The following RNF38 variants were observed in gnomAD, a reference collection of about 807,000 sequenced individuals.
The protein encoded by RNF38 is E3 ubiquitin-protein ligase RNF38.
RNF38 carries 15 observed loss-of-function variants against 67.2 expected under a neutral mutation model. The ratio of observed to expected loss-of-function variants is 0.22; its 90% CI spans 0.15 to 0.34. RNF38 has a LOEUF of 0.34. Among genes scored for constraint, RNF38 ranks in the 10% least tolerant of loss-of-function variants. RNF38 has a pLI of 1.00. For synonymous variants in RNF38, 220 were observed against 218.8 expected (o/e 1.01, Z -0.05); for missense variants, 524 against 639.9 (o/e 0.82, Z 1.95).
intron 3 of RNF38, among the ~76,000 whole-genome samples, chr9:36,375,280 T>C (rs902106483): frequency 1.3e-5 from 2 of 152,112 alleles, no homozygotes; most frequent in African/African-American, 4.8e-5. Flanking sequence ...CATTGCAGCC[T>C]TACACTCTTG....
At chr9:36,443,558 C>T (rs1385225885) in intron 1 of RNF38, among the ~76,000 whole-genome samples, 1 of 152,102 alleles carries the variant, frequency 6.6e-6, no homozygotes, top group Admixed American at 6.6e-5. Context: ...GACAAAATGA[C>T]AATTAGGAAT....
chr9:36,400,686 G>A (rs1201679512), upstream of RNF38: 5 of 985,770 alleles, frequency 5.1e-6, no homozygotes, highest in African/African-American at 1.7e-5. Context: ...CTCACCCCCG[G>A]AACCCCGGCT....
At chr9:36,486,954 G>T (rs753416267) in intron 1 of RNF38, among the ~76,000 whole-genome samples, 7 of 152,060 alleles carry the variant, frequency 4.6e-5, no homozygotes, top group Non-Finnish European at 1.0e-4. Flanking sequence ...GCCCGCGCCG[G>T]CCCAGGGTGG....
chr9:36,427,657 CTCTATCTATCTATCTATCTA>C lies in RNF38; in HGVS notation n.242-2994_242-2975del, dbSNP rs146556210. On this transcript the variant is annotated intron_variant and non_coding_transcript_variant, in intron 1 of 3. Transcript: ENST00000488058. ...GTTCCTTGATCTTGAATTTCCCAGC[CTCTATCTATCTATCTATCTA>C]TCTATCTATCTATCTATCTATCTAT... Among the ~76,000 whole-genome samples, 262 of 147,132 alleles carry C rather than the reference CTCTATCTATCTATCTATCTA, an allele frequency of 1.8e-3. 2 individuals carry two copies. The highest frequency in any genetic ancestry group is 4.8e-3 in the African/African-American group (191 of 39,576).
chr9:36,409,757 T>A (rs1838277347), intron 2 of RNF38, among the ~76,000 whole-genome samples: 1 of 152,208 alleles, frequency 6.6e-6, no homozygotes, highest in African/African-American at 2.4e-5. Context: ...TGATACACGG[T>A]GCATCTCCAC....
chr9:36,405,451 A>T (rs1324742242), upstream of RNF38, among the ~76,000 whole-genome samples: 4 of 152,284 alleles, frequency 2.6e-5, no homozygotes, highest in East Asian at 7.7e-4. Flanking sequence ...TGGTTTGTTT[A>T]GAATTTTTGC....
chr9:36,365,758 C>T (rs927031805), intron 4 of RNF38, among the ~76,000 whole-genome samples: 7 of 149,848 alleles, frequency 4.7e-5, no homozygotes, highest in Non-Finnish European at 1.0e-4. Context: ...CTCCGCCTCC[C>T]GGGTTCAAGC....
chr9:36,367,482 T>C (rs982139810), intron 4 of RNF38, among the ~76,000 whole-genome samples: 8 of 152,348 alleles, frequency 5.3e-5, no homozygotes, highest in African/African-American at 1.7e-4. Context: ...GATTTCCTAA[T>C]ACTGAACCCA....
At chr9:36,339,902 G>C in intron 11 of RNF38, 88 bp from the exon 12 acceptor site, 1 of 1,120,596 alleles carries the variant, frequency 8.9e-7, no homozygotes, top group Non-Finnish European at 1.3e-6. Flanking sequence ...ACTTCCCACA[G>C]TTTTTACATT....
chr9:36,399,315 C>T (rs867636939), intron 1 of RNF38, among the ~76,000 whole-genome samples: 4 of 151,952 alleles, frequency 2.6e-5, no homozygotes, highest in Non-Finnish European at 2.9e-5. Context: ...CAGATGAGAG[C>T]CTGAGGCCCA....
chr9:36,470,188 C>G (rs1295976351), intron 1 of RNF38, among the ~76,000 whole-genome samples: 2 of 152,090 alleles, frequency 1.3e-5, no homozygotes, highest in Non-Finnish European at 2.9e-5. Flanking sequence ...GTGGGGGTGT[C>G]CAGCTTTTAA....
chr9:36,411,962 C>A (rs1399886356), intron 2 of RNF38, among the ~76,000 whole-genome samples: 1 of 152,076 alleles, frequency 6.6e-6, no homozygotes, highest in African/African-American at 2.4e-5. Context: ...CTGAAATAAG[C>A]CAGTTACAAA....
intron 1 of RNF38, among the ~76,000 whole-genome samples, chr9:36,472,860 C>A (rs935646243): frequency 2.6e-5 from 4 of 151,942 alleles, no homozygotes; most frequent in Admixed American, 1.3e-4. Flanking sequence ...AATCCCAGCA[C>A]TCTGAGAGAC....
chr9:36,434,313 G>GGGAGGGGGATGGGGGAAGGA (rs1839008939), intron 1 of RNF38, among the ~76,000 whole-genome samples: 2 of 123,012 alleles, frequency 1.6e-5, no homozygotes, highest in Admixed American at 1.6e-4. Context: ...GAGCAGGAGG[G>GGGAGGGGGATGGGGGAAGGA]GGAGGGGGAT....
At chr9:36,485,506 C>T (rs1840385662) in intron 1 of RNF38, among the ~76,000 whole-genome samples, 1 of 152,160 alleles carries the variant, frequency 6.6e-6, no homozygotes, top group South Asian at 2.1e-4. Context: ...CCAACCTGAT[C>T]GGTGTGAAAT....
rs773649943 is a variant in RNF38 at position 36,390,454 on chromosome 9, A to AAT, written c.162+11_162+12dup. 6.2e-7 allele frequency: 1 copy of AAT among 1,608,494 alleles called. No individual in the cohort carries two copies. ...TTCAGCCCTATGTAGGGAAAGGGTA[A>AAT]ATATATAAGAACCTGGAAGAAAGCT... On this transcript the variant is annotated intron_variant, in intron 2 of 11. Transcript: ENST00000259605.
chr9:36,369,626 AAAAG>A (rs1432896778), intron 4 of RNF38, 89 bp downstream of exon 4: 2 of 990,544 alleles, frequency 2.0e-6, no homozygotes, highest in East Asian at 4.9e-5. Flanking sequence ...GGTAAAAACT[AAAAG>A]AAATTTGCAA....
intron 4 of RNF38, among the ~76,000 whole-genome samples, chr9:36,360,570 T>C (rs1186914242): frequency 6.6e-6 from 1 of 152,184 alleles, no homozygotes; most frequent in Non-Finnish European, 1.5e-5. Context: ...GAGTCGGTGC[T>C]CAAAAAGTTA....
intron 9 of RNF38, 119 bp from the exon 10 acceptor site, chr9:36,345,072 A>G: frequency 1.9e-6 from 2 of 1,059,240 alleles, no homozygotes; most frequent in Non-Finnish European, 2.6e-6. Flanking sequence ...GCGGCTGTTC[A>G]CAGGCATGAT....
Sources: allele counts gnomAD v4.1 joint callset (sites outside exome capture counted in the v4.1 genomes callset), GRCh38; gene constraint gnomAD v4.1.1; transcripts MANE v1.5; gene names NCBI Gene and HGNC (gene_info 2026-07-23, HGNC 2026-07-21).